The following CLUH variants were observed in gnomAD, a reference collection of about 807,000 sequenced individuals.
The protein encoded by CLUH is clustered mitochondria protein homolog.
A neutral mutation model predicts 139.3 loss-of-function variants in CLUH; 77 were observed. The observed-to-expected ratio is 0.55, with a 90% CI of 0.46 to 0.67. The LOEUF (loss-of-function observed/expected upper bound fraction) is 0.67. Ranked by LOEUF, CLUH falls within the 30% of genes least tolerant of loss-of-function variation. CLUH has a pLI of 0.00. For synonymous variants in CLUH, 999 were observed against 801.6 expected, an observed-to-expected ratio of 1.25 and a Z score of -4.16; for missense variants, 1,876 against 1,875.8, an observed-to-expected ratio of 1.00 and a Z score of 0.00.
chr17:2,707,892 A>C lies in CLUH; in HGVS notation c.101-3328T>G. ...GGAGTCACTGGTTCTGGTGGAAGGG[A>C]GGGGGATGGGCCCCCAGCTTCCCAG... On this transcript the variant is annotated intron_variant, in intron 1 of 25. Coordinates refer to ENST00000651024, the MANE Select transcript of CLUH (RefSeq NM_001366661.1). This position sits in a 1 kb window ranked among gnomAD's most constrained non-coding sequence, Gnocchi z 7.4. 1.0e-6 allele frequency: 1 copy of C among 985,362 alleles called. No homozygotes were observed. The highest frequency in any genetic ancestry group is 1.2e-6 in the Non-Finnish European group (1 of 829,894). 61.0% of individuals were successfully genotyped at this position (985,362 alleles called of 1,614,324 possible). A position where few individuals can be genotyped will look rare whatever the true frequency, so the allele number is the denominator to read the frequency against.
intron 10 of CLUH, among the ~76,000 whole-genome samples, 195 bp from the exon 11 acceptor site, chr17:2,697,137 C>T (rs906165104): frequency 6.6e-6 from 1 of 152,204 alleles, no homozygotes; most frequent in Non-Finnish European, 1.5e-5. Context: ...TGGTGGCTCA[C>T]GCCTGTAATC....
At position 2,698,255 on chromosome 17, in the gene CLUH, C is replaced by T. The variant is rs1196075942; in HGVS notation, c.1602G>A (p.Gln534=). ...TGGAGCCGTAGATGACGCTCTGCTC[C>T]TGGTCCCGCTCCAGGATGCCGGGGA... ...SIIPGILERD[Q]EQSVIYGSID... Residue 534 remains glutamine (Q), a synonymous_variant, in exon 10 of 26, where the codon CAG becomes CAA. Coordinates refer to ENST00000651024, the MANE Select transcript of CLUH (RefSeq NM_001366661.1). The T allele has an allele frequency of 6.2e-7, 1 of 1,606,746 alleles. No homozygotes were observed. The highest frequency in any genetic ancestry group is 2.2e-5 in the East Asian group (1 of 44,458).
intron 16 of CLUH, 22 bp downstream of exon 16, chr17:2,694,827 CCCACCCCA>C (rs1425363512): frequency 6.9e-7 from 1 of 1,445,542 alleles, no homozygotes; most frequent in Non-Finnish European, 9.2e-7. Context: ...CCCAATCCCA[CCCACCCCA>C]CCGCCCCTGC....
intron 25 of CLUH, among the ~76,000 whole-genome samples, chr17:2,691,130 GCCCC>G (rs10711177): frequency 1.3e-5 from 2 of 150,606 alleles, no homozygotes; most frequent in African/African-American, 2.4e-5. Flanking sequence ...CTGCTCCTCA[GCCCC>G]CCCCCGCCGC....
chr17:2,693,180 G>C (rs60594816), intron 19 of CLUH, among the ~76,000 whole-genome samples: 2,775 of 148,128 alleles, frequency 0.019, 85 homozygotes, highest in African/African-American at 0.066. Flanking sequence ...TGGGTCCCTT[G>C]AGGTCAGGAG....
intron 19 of CLUH, 86 bp downstream of exon 19, chr17:2,693,814 C>T: frequency 6.7e-7 from 1 of 1,489,920 alleles, no homozygotes; most frequent in African/African-American, 1.4e-5. Flanking sequence ...TCTCCCTGGA[C>T]TCCACCCACT....
chr17:2,698,745 C>T (rs2070068352), intron 9 of CLUH, among the ~76,000 whole-genome samples, 155 bp from the exon 10 acceptor site: 1 of 152,050 alleles, frequency 6.6e-6, no homozygotes, highest in Non-Finnish European at 1.5e-5. Context: ...TAGAAAAGGG[C>T]AAGAAAACCA....
At chr17:2,695,568 C>A in intron 13 of CLUH, 42 bp from the exon 14 acceptor site, 1 of 1,538,812 alleles carries the variant, frequency 6.5e-7, no homozygotes, top group Non-Finnish European at 8.7e-7. Context: ...AGCTCCTCTG[C>A]CTCCACCCAA....
At chr17:2,692,541 T>C in intron 21 of CLUH, 30 bp downstream of exon 21, 4 of 1,600,910 alleles carry the variant, frequency 2.5e-6, no homozygotes, top group South Asian at 1.1e-5. Flanking sequence ...TGGAGCTGGG[T>C]CCCTGCCGCC....
rs1597597134 is a variant in CLUH at position 2,692,286 on chromosome 17, G to A, written c.3560+75C>T. The A allele has an allele frequency of 5.4e-6, 8 of 1,468,714 alleles. No individual in the cohort carries two copies. In the East Asian group the frequency reaches 2.0e-4, roughly 36 times the overall value. The allele number at this position is 1,468,714 out of a possible 1,614,324, so 91.0% of individuals were successfully genotyped here. A position where few individuals can be genotyped will look rare whatever the true frequency, so the allele number is the denominator to read the frequency against. ...TCGGGTGGAGGAAGACAGGAGCACT[G>A]GGTCTCTTCCCCGCCCCCGCCGGCT... On this transcript the variant is annotated intron_variant, in intron 22 of 25. Coordinates refer to ENST00000651024, the MANE Select transcript of CLUH (RefSeq NM_001366661.1).
intron 23 of CLUH, 36 bp downstream of exon 23, chr17:2,691,967 GC>G: frequency 1.4e-6 from 1 of 727,966 alleles, no homozygotes; most frequent in South Asian, 2.9e-5. Context: ...CCACGCCCCC[GC>G]CCCGCCCCCG....
chr17:2,692,062 G>T lies in CLUH; in HGVS notation c.3596C>A (p.Ala1199Asp), dbSNP rs752043044. The change falls in exon 23 of 26, where the codon GCT becomes GAT. Residue 1199 changes from alanine to aspartate, a missense_variant. This residue lies in a region of CLUH where 1,454 missense variants were observed against 1,384.4 expected (regional missense o/e 1.05). Coordinates refer to ENST00000651024, the MANE Select transcript of CLUH (RefSeq NM_001366661.1). ...GTGCTGCAGGGCCGACCGGAACTCA[G>T]CTTTGCTCTCGTAGACTCGGGCGAC... ...HLVARVYESK[A>D]EFRSALQHEK... 12 of 1,605,908 alleles carry T rather than the reference G, an allele frequency of 7.5e-6. No individual in the cohort carries two copies. Among genetic ancestry groups the T allele is most frequent in the Non-Finnish European group, 1.0e-5 (12 of 1,177,046 alleles).
Position 2,700,765 on chromosome 17 carries a change from G to A in CLUH, c.1086C>T (p.Ala362=). ...AATCCATGGCATGCTCCGCCTGGGG[G>A]GCTGTCCAGCTGTACACCTGGAATG... ...ATPFQVYSWT[A]PQAEHAMDCV... is the part of the protein sequence containing the mutation. The change falls in exon 8 of 26, where the codon GCC becomes GCT. Residue 362 remains alanine, a synonymous_variant. Coordinates refer to ENST00000651024, the MANE Select transcript of CLUH (RefSeq NM_001366661.1). 6.5e-7 allele frequency: 1 copy of A among 1,544,814 alleles called. No individual in the cohort carries two copies. The highest frequency in any genetic ancestry group is 8.7e-7 in the Non-Finnish European group (1 of 1,151,202).
rs558012643 is a variant in CLUH, at chr17:2,690,921, G to A, written c.3864-144C>T. 2.0e-5 allele frequency: 12 copies of A among 603,406 alleles called. No individual in the cohort carries two copies. In the South Asian group the frequency reaches 3.3e-4, roughly 17 times the overall value. The allele number at this position is 603,406 out of a possible 1,614,324, so 37.4% of individuals were successfully genotyped here. On this transcript the variant is annotated intron_variant, in intron 25 of 25. Coordinates refer to ENST00000651024, the MANE Select transcript of CLUH (RefSeq NM_001366661.1). The stretch of plus-strand genomic sequence containing the variant: ...GTGAACAAGCGCTTCCCTCCTGAAG[G>A]CGGAAGGTCCCTGAACACGGAGAAG...
intron 4 of CLUH, 30 bp downstream of exon 4, chr17:2,701,884 C>T (rs1158508776): frequency 1.2e-6 from 2 of 1,612,276 alleles, no homozygotes; most frequent in Non-Finnish European, 8.5e-7. Context: ...CGCCCTTTGG[C>T]CCAATCCCCG....
At position 2,704,593 on chromosome 17, in the gene CLUH, A is replaced by T; in HGVS notation, c.101-29T>A. 1 of 1,525,038 alleles carries T rather than the reference A, an allele frequency of 6.6e-7. No homozygotes were observed. The highest frequency in any genetic ancestry group is 8.8e-7 in the Non-Finnish European group (1 of 1,133,924). The allele number at this position is 1,525,038 out of a possible 1,614,324, so 94.5% of individuals were successfully genotyped here. A position where few individuals can be genotyped will look rare whatever the true frequency, so the allele number is the denominator to read the frequency against. ...CGGGTGACAAGAACGGGTCAGAATC[A>T]GGCAGCCTCGCTGGTCGGCGGGGCT... On this transcript the variant is annotated intron_variant, in intron 1 of 25. Coordinates refer to ENST00000651024, the MANE Select transcript of CLUH (RefSeq NM_001366661.1). This position sits in a 1 kb window ranked among gnomAD's most constrained non-coding sequence, Gnocchi z 5.7.
chr17:2,696,565 C>T (rs779753020), intron 11 of CLUH, 27 bp from the exon 12 acceptor site: 6 of 1,545,944 alleles, frequency 3.9e-6, no homozygotes, highest in Middle Eastern at 1.7e-4. Flanking sequence ...CCATGAGACA[C>T]GGGTCCCCTC....
At chr17:2,702,830 G>A (rs1187401705) in intron 3 of CLUH, among the ~76,000 whole-genome samples, 2 of 143,734 alleles carry the variant, frequency 1.4e-5, no homozygotes, top group Non-Finnish European at 3.1e-5. Context: ...CTTTTGTTTT[G>A]TTTTTTTTTT....
Position 2,702,064 on chromosome 17 carries a change from G to A in CLUH, c.476-7C>T. On this transcript the variant is annotated splice_region_variant and splice_polypyrimidine_tract_variant and intron_variant, in intron 3 of 25. Coordinates refer to ENST00000651024, the MANE Select transcript of CLUH (RefSeq NM_001366661.1). Reference sequence around the variant, plus strand: ...TCACGCACCGTGTACGGCTCTGTCAGGAAGGCAGGGAGGGTATGGCGTTAC... The same window carrying A: ...TCACGCACCGTGTACGGCTCTGTCAAGAAGGCAGGGAGGGTATGGCGTTAC... The A allele has an allele frequency of 3.1e-6, 5 of 1,612,666 alleles. No individual in the cohort carries two copies. Among genetic ancestry groups the A allele is most frequent in the Non-Finnish European group, 4.2e-6 (5 of 1,179,424 alleles).
Sources: gnomAD v4.1 joint callset for allele counts (sites outside exome capture counted in the v4.1 genomes callset) on GRCh38, gnomAD v4.1.1 for gene constraint, gnomAD v4.1.1 regional missense constraint, Gnocchi (gnomAD v3.1) non-coding constraint, MANE v1.5 for transcripts, NCBI Gene and HGNC (gene_info 2026-07-23, HGNC 2026-07-21) for gene names.